NCALD: variants seen among roughly 807,000 people sequenced by gnomAD.
The protein encoded by NCALD is neurocalcin-delta.
Under a neutral mutation model 18.6 loss-of-function variants are expected in NCALD, and 10 were observed. That is an observed-to-expected ratio of 0.54 (90% CI 0.33 to 0.91). The LOEUF is 0.91. Ranked by LOEUF, NCALD falls within the 40% of genes least tolerant of loss-of-function variation. NCALD has a pLI of 0.03. For synonymous variants in NCALD, 88 were observed against 87.4 expected (o/e 1.01, Z -0.04); for missense variants, 184 against 247.6 (o/e 0.74, Z 1.72).
intron 2 of NCALD, among the ~76,000 whole-genome samples, chr8:101,987,517 C>T (rs1264544848): frequency 1.3e-5 from 2 of 152,020 alleles, no homozygotes; most frequent in Admixed American, 6.5e-5. Context: ...ATTGGCATAT[C>T]CAAAAGAAAA....
At chr8:102,063,700 G>C (rs899979085) in intron 1 of NCALD, among the ~76,000 whole-genome samples, 1 of 152,146 alleles carries the variant, frequency 6.6e-6, no homozygotes, top group Non-Finnish European at 1.5e-5. Flanking sequence ...AGAAAGATTA[G>C]GAAGAGGGAG....
At chr8:101,757,373 G>A (rs1311106890) in intron 1 of NCALD, among the ~76,000 whole-genome samples, 8 of 152,130 alleles carry the variant, frequency 5.3e-5, no homozygotes, top group Admixed American at 6.5e-5. Flanking sequence ...CCAACTGTTC[G>A]CTCCATTGTC....
intron 3 of NCALD, among the ~76,000 whole-genome samples, chr8:101,888,389 TTTC>T (rs1307837166): frequency 6.7e-4 from 102 of 151,746 alleles, no homozygotes; most frequent in Admixed American, 2.3e-3. Context: ...TTAGCTGGAC[TTTC>T]TTTTTTATTT....
chr8:101,947,496 T>TA (rs1407886993), intron 2 of NCALD, among the ~76,000 whole-genome samples: 2 of 152,048 alleles, frequency 1.3e-5, no homozygotes, highest in African/African-American at 2.4e-5. Context: ...TTCCCTAATT[T>TA]AAAAAAATTA....
chr8:101,764,658 T>C (rs1811270276), intron 1 of NCALD, among the ~76,000 whole-genome samples: 1 of 152,188 alleles, frequency 6.6e-6, no homozygotes, highest in South Asian at 2.1e-4. Context: ...TTTTGTTTTG[T>C]TTTTAAAGGG....
At chr8:101,999,347 G>T (rs1264406877) in intron 2 of NCALD, among the ~76,000 whole-genome samples, 1 of 152,102 alleles carries the variant, frequency 6.6e-6, no homozygotes, top group Non-Finnish European at 1.5e-5. Context: ...CCATAAAAAA[G>T]AATGAAGTAA....
intron 4 of NCALD, among the ~76,000 whole-genome samples, chr8:101,800,296 T>C (rs552400586): frequency 6.6e-6 from 1 of 152,254 alleles, no homozygotes; most frequent in South Asian, 2.1e-4. Context: ...CTAGGACTCT[T>C]GCATTCTTGT....
intron 1 of NCALD, among the ~76,000 whole-genome samples, chr8:101,785,585 A>AT (rs1209751540): frequency 2.0e-5 from 3 of 152,040 alleles, no homozygotes; most frequent in African/African-American, 7.3e-5. Flanking sequence ...ACAGTGTTGG[A>AT]TTATGCCATT....
chr8:101,998,602 A>G (rs1013410303), intron 2 of NCALD, among the ~76,000 whole-genome samples: 1 of 152,164 alleles, frequency 6.6e-6, no homozygotes, highest in Non-Finnish European at 1.5e-5. Flanking sequence ...CCCTTCCATC[A>G]TGATTACAAC....
chr8:102,026,597 C>T (rs562955141), intron 1 of NCALD, among the ~76,000 whole-genome samples: 58 of 152,328 alleles, frequency 3.8e-4, no homozygotes, highest in African/African-American at 1.3e-3. Context: ...TACAGCCACC[C>T]TGTCAGCTTC....
chr8:102,014,179 G>A (rs972604169), intron 2 of NCALD, among the ~76,000 whole-genome samples: 3 of 152,158 alleles, frequency 2.0e-5, no homozygotes, highest in African/African-American at 7.2e-5. Flanking sequence ...TGGCTTATAA[G>A]CAACATTTAT....
At chr8:101,803,474 G>T (rs1586543172) in intron 4 of NCALD, among the ~76,000 whole-genome samples, 1 of 152,310 alleles carries the variant, frequency 6.6e-6, no homozygotes, top group East Asian at 1.9e-4. Context: ...CATGGATCAA[G>T]AAGTAATTTC....
intron 4 of NCALD, among the ~76,000 whole-genome samples, chr8:101,811,051 C>T (rs1162542013): frequency 7.2e-5 from 11 of 152,118 alleles, no homozygotes; most frequent in Non-Finnish European, 1.5e-5. Context: ...AGTCAGACTA[C>T]TGATTTCAGT....
chr8:102,037,420 C>T (rs532641220), intron 1 of NCALD, among the ~76,000 whole-genome samples: 4 of 151,644 alleles, frequency 2.6e-5, no homozygotes, highest in Admixed American at 2.0e-4. Flanking sequence ...TTAAAAATCT[C>T]AAAATATACC....
intron 3 of NCALD, 79 bp downstream of exon 3, chr8:101,692,712 G>T (rs1419615727): frequency 3.4e-6 from 5 of 1,473,150 alleles, no homozygotes; most frequent in Non-Finnish European, 4.7e-6. Context: ...AGGGCCTCGA[G>T]TGGCACTTCC....
intron 4 of NCALD, among the ~76,000 whole-genome samples, chr8:101,805,586 T>C (rs1813069113): frequency 6.6e-6 from 1 of 152,114 alleles, no homozygotes; most frequent in African/African-American, 2.4e-5. Flanking sequence ...CCTAAAGCAG[T>C]TATTCAGAAA....
chr8:101,720,867 A>G (rs1489562514), intron 1 of NCALD, among the ~76,000 whole-genome samples: 1 of 152,212 alleles, frequency 6.6e-6, no homozygotes, highest in African/African-American at 2.4e-5. Flanking sequence ...GGTTCTGTGG[A>G]TGCAGAATAA....
At chr8:101,988,112 G>C (rs1313138285) in intron 2 of NCALD, among the ~76,000 whole-genome samples, 1 of 144,338 alleles carries the variant, frequency 6.9e-6, no homozygotes, top group South Asian at 2.2e-4. Context: ...CCGAGATCGC[G>C]CCACTGCGGT....
chr8:101,888,030 T>A (rs1379705353), intron 3 of NCALD, among the ~76,000 whole-genome samples: 1 of 152,184 alleles, frequency 6.6e-6, no homozygotes, highest in African/African-American at 2.4e-5. Context: ...GTCAGCGTCA[T>A]GGCAGTCCCA....
Sources: gnomAD v4.1 joint callset for allele counts (sites outside exome capture counted in the v4.1 genomes callset) on GRCh38, gnomAD v4.1.1 for gene constraint, MANE v1.5 for transcripts, NCBI Gene and HGNC (gene_info 2026-07-23, HGNC 2026-07-21) for gene names.